MYMK: variants seen among roughly 807,000 people sequenced by gnomAD.
The protein encoded by MYMK is protein myomaker.
A neutral mutation model predicts 22.4 loss-of-function variants in MYMK; 16 were observed. The observed-to-expected ratio is 0.72, with a 90% CI of 0.48 to 1.09. The LOEUF is 1.09. MYMK is among the 50% of genes least tolerant of loss of function. The probability of loss-of-function intolerance (pLI) is 0.00; values close to 1 mark genes in which losing one functional copy is unlikely to be tolerated. For missense variants in MYMK, 250 were observed against 295.6 expected (o/e 0.85, Z 1.13); for synonymous variants, 125 against 127.0 (o/e 0.98, Z 0.11).
At chr9:133,518,107 G>A (rs1461324665) in intron 3 of MYMK, among the ~76,000 whole-genome samples, 1 of 152,262 alleles carries the variant, frequency 6.6e-6, no homozygotes, top group East Asian at 1.9e-4. Flanking sequence ...CCAGGTCTGG[G>A]AGACCCTTGC....
At chr9:133,521,647 G>A (rs1005642552) in intron 1 of MYMK, among the ~76,000 whole-genome samples, 1 of 152,176 alleles carries the variant, frequency 6.6e-6, no homozygotes, top group African/African-American at 2.4e-5. Context: ...TGGGAAAGAC[G>A]CGGCTAGAGG....
intron 1 of MYMK, among the ~76,000 whole-genome samples, chr9:133,523,732 A>C (rs1032748855): frequency 7.0e-6 from 1 of 143,442 alleles, no homozygotes; most frequent in Non-Finnish European, 1.5e-5. Flanking sequence ...AAGCTGGAGA[A>C]GGTGGATAGC....
rs532096722 is a variant in MYMK at position 133,524,781 on chromosome 9, C to A, written c.64G>T (p.Val22Phe). ...AACCGCCTCTTGGCCGCGATGCTGA[C>A]AGTGGGGAGGAAGGCCAGGCTGCTG... ...TLSSLAFLPT[V>F]SIAAKRRFHM... Residue 22 changes from valine to phenylalanine, a missense_variant, in exon 1 of 5, where the codon GTC becomes TTC. Coordinates refer to ENST00000339996, the MANE Select transcript of MYMK (RefSeq NM_001080483.3). 7 of 1,614,096 alleles carry A rather than the reference C, an allele frequency of 4.3e-6. No individual in the cohort carries two copies. In the African/African-American group the frequency reaches 8.0e-5, roughly 18 times the overall value.
chr9:133,519,374 C>G (rs1844670947), intron 2 of MYMK, among the ~76,000 whole-genome samples: 1 of 152,100 alleles, frequency 6.6e-6, no homozygotes, highest in South Asian at 2.1e-4. Flanking sequence ...CAAGACTAGC[C>G]TGGGCAACAT....
intron 1 of MYMK, among the ~76,000 whole-genome samples, chr9:133,521,517 T>C (rs1463525399): frequency 1.3e-5 from 2 of 152,146 alleles, no homozygotes; most frequent in Non-Finnish European, 2.9e-5. Flanking sequence ...CTAGGAGGCA[T>C]TAATAGGGAT....
intron 1 of MYMK, among the ~76,000 whole-genome samples, chr9:133,524,492 A>C (rs1844737325): frequency 6.6e-6 from 1 of 152,182 alleles, no homozygotes; most frequent in Non-Finnish European, 1.5e-5. Context: ...GTGATCCCAG[A>C]GCAACTTCCT....
At position 133,521,421 on chromosome 9, in the gene MYMK, G is replaced by T. The variant is rs186594677; in HGVS notation, c.136-1133C>A. ...ACAGCACAGAGGGAGCGGGGGCCCT[G>T]GGTGATCTGGGGGGCAGGCAATTCG... On this transcript the variant is annotated intron_variant, in intron 1 of 4. Coordinates refer to ENST00000339996, the MANE Select transcript of MYMK (RefSeq NM_001080483.3). 4.2e-3 allele frequency among the ~76,000 whole-genome samples: 645 copies of T among 152,268 alleles called. 5 individuals carry two copies. The highest frequency in any genetic ancestry group is 6.7e-3 in the Non-Finnish European group (455 of 68,016).
chr9:133,522,365 T>G, intron 1 of MYMK, among the ~76,000 whole-genome samples: 1 of 150,400 alleles, frequency 6.6e-6, no homozygotes, highest in African/African-American at 2.4e-5. Context: ...TCCTCTGTTG[T>G]GTGGGGACAA....
chr9:133,518,953 C>A lies in MYMK; in HGVS notation c.320G>T (p.Arg107Leu). Reference sequence around the variant, plus strand: ...GTAGCCCCATCGGTCATGGTAGATCCGCACAGCAATGGTCAGGACGCCGAA... The same window carrying A: ...GTAGCCCCATCGGTCATGGTAGATCAGCACAGCAATGGTCAGGACGCCGAA... Reference protein sequence around the residue: ...VMFGVLTIAVRIYHDRWGYGV... With the variant: ...VMFGVLTIAVLIYHDRWGYGV... Residue 107 changes from arginine to leucine, a missense_variant, in exon 3 of 5, where the codon CGG becomes CTG. Physicochemically the swap from Arg to Leu is moderately radical, Grantham distance 102. Transcript: ENST00000339996. 6.2e-7 allele frequency: 1 copy of A among 1,613,956 alleles called. No individual in the cohort carries two copies. The highest frequency in any genetic ancestry group is 8.5e-7 in the Non-Finnish European group (1 of 1,180,008).
intron 1 of MYMK, among the ~76,000 whole-genome samples, chr9:133,522,156 A>G (rs1288203084): frequency 1.3e-5 from 2 of 152,246 alleles, no homozygotes; most frequent in African/African-American, 4.8e-5. Context: ...CTGCCTGCCC[A>G]AAGAGGTGAA....
rs767051940 is a variant in MYMK, at chr9:133,515,493, CAAA to C, written c.511_513del (p.Phe171del). The stretch of plus-strand genomic sequence containing the variant: ...CACCTCCCCGCTGGGCTTGGTACCT[CAAA>C]GAAGAAGCGTAGCATCAGGGCCAGC... On this transcript the variant is annotated inframe_deletion, in exon 4 of 5. Transcript: ENST00000339996. This position sits in a 1 kb window ranked among gnomAD's most constrained non-coding sequence, Gnocchi z 5.8. The C allele has an allele frequency of 6.2e-6, 10 of 1,608,440 alleles. No homozygotes were observed. The highest frequency in any genetic ancestry group is 1.3e-5 in the African/African-American group (1 of 74,814).
intron 1 of MYMK, among the ~76,000 whole-genome samples, chr9:133,520,638 G>C (rs1226288468): frequency 6.6e-6 from 1 of 151,964 alleles, no homozygotes; most frequent in Non-Finnish European, 1.5e-5. Flanking sequence ...GGCGGTCTCC[G>C]GGAGGGACCC....
chr9:133,518,141 G>C (rs764220954), intron 3 of MYMK, among the ~76,000 whole-genome samples: 1 of 152,230 alleles, frequency 6.6e-6, no homozygotes, highest in Non-Finnish European at 1.5e-5. Context: ...CTCCTGCTCT[G>C]GGGTCCCAGG....
Position 133,521,637 on chromosome 9 carries a change from T to A in MYMK, c.136-1349A>T, listed in dbSNP as rs564066671. Among the ~76,000 whole-genome samples, 18 of 152,276 alleles carry A rather than the reference T, an allele frequency of 1.2e-4. No individual in the cohort carries two copies. In the South Asian group the frequency reaches 3.1e-3, roughly 26 times the overall value. ...TGGTGCACCTTTCTTGAAGTGAGAC[T>A]GGGAAAGACGCGGCTAGAGGAGGGT... On this transcript the variant is annotated intron_variant, in intron 1 of 4. Coordinates refer to ENST00000339996, the MANE Select transcript of MYMK (RefSeq NM_001080483.3).
At chr9:133,520,773 C>T (rs2131070933) in intron 1 of MYMK, among the ~76,000 whole-genome samples, 1 of 152,232 alleles carries the variant, frequency 6.6e-6, no homozygotes, top group Middle Eastern at 3.4e-3. Flanking sequence ...TTTGGGGGCT[C>T]CTGGGGCCTT....
intron 1 of MYMK, among the ~76,000 whole-genome samples, chr9:133,522,677 C>A (rs118077853): frequency 0.012 from 1,772 of 152,304 alleles, 15 homozygotes; most frequent in Non-Finnish European, 0.019. Flanking sequence ...CTAGGTCTAA[C>A]AGGAGCCTTG....
chr9:133,519,262 C>T (rs916128288), intron 2 of MYMK, among the ~76,000 whole-genome samples: 3 of 152,108 alleles, frequency 2.0e-5, no homozygotes, highest in East Asian at 1.9e-4. Context: ...GCTCCCAGCA[C>T]CTCATTTTAA....
intron 1 of MYMK, among the ~76,000 whole-genome samples, 177 bp from the exon 2 acceptor site, chr9:133,520,465 G>A (rs559008199): frequency 2.1e-4 from 32 of 152,212 alleles, no homozygotes; most frequent in Non-Finnish European, 4.3e-4. Flanking sequence ...GAGCACTCCC[G>A]CAGAGGGTCC....
intron 3 of MYMK, among the ~76,000 whole-genome samples, chr9:133,518,629 G>A (rs1588265453): frequency 6.6e-6 from 1 of 152,212 alleles, no homozygotes; most frequent in East Asian, 1.9e-4. Context: ...GTACGGGCGT[G>A]GAGGTGAGAC....
Sources: allele counts gnomAD v4.1 joint callset (sites outside exome capture counted in the v4.1 genomes callset), GRCh38; gene constraint gnomAD v4.1.1; non-coding constraint Gnocchi (gnomAD v3.1); transcripts MANE v1.5; gene names NCBI Gene and HGNC (gene_info 2026-07-23, HGNC 2026-07-21).